Variants in GPRC5A observed in about 807,000 individuals in gnomAD.
The protein encoded by GPRC5A is retinoic acid-induced protein 3.
A neutral mutation model predicts 22.5 loss-of-function variants in GPRC5A; 19 were observed. The ratio of observed to expected loss-of-function variants is 0.85; its 90% CI spans 0.59 to 1.24. GPRC5A has a LOEUF of 1.24. GPRC5A is among the 50% of genes most tolerant of loss of function. The pLI, the probability that GPRC5A is intolerant of heterozygous loss-of-function variation, is 0.00. For synonymous variants in GPRC5A, 192 were observed against 184.5 expected (o/e 1.04, Z -0.33); for missense variants, 471 against 451.1 (o/e 1.04, Z -0.40).
In GPRC5A at chr12:12,898,531, CAAAAGAAAAAAA is replaced by C. The variant is rs564335570; in HGVS notation, c.-8+6879_-8+6890del. Reference sequence around the variant, plus strand: ...CCTGGGCGACAGAGAGACTTTGTCTCAAAAGAAAAAAAAAAAGAAAAAAGAAAGGAAACCATA... The same window carrying C: ...CCTGGGCGACAGAGAGACTTTGTCTCAAAAGAAAAAAGAAAGGAAACCATA... On this transcript the variant is annotated intron_variant, in intron 1 of 3. Transcript: ENST00000014914. Among the ~76,000 whole-genome samples the C allele has an allele frequency of 1.2e-4, 17 of 146,430 alleles. No homozygotes were observed. In the East Asian group the frequency reaches 1.8e-3, roughly 15 times the overall value.
chr12:12,900,911 A>AAAAAAAAAAAG (rs1863879176), intron 1 of GPRC5A, among the ~76,000 whole-genome samples: 1 of 121,772 alleles, frequency 8.2e-6, no homozygotes, highest in African/African-American at 4.0e-5. Context: ...AAAAAAAAAA[A>AAAAAAAAAAAG]AACAAAAAAA....
chr12:12,902,682 G>C (rs911383965), intron 1 of GPRC5A, among the ~76,000 whole-genome samples: 1 of 152,100 alleles, frequency 6.6e-6, no homozygotes, highest in African/African-American at 2.4e-5. Flanking sequence ...GAGGTGGGAA[G>C]ATACCTTGAG....
chr12:12,911,015 C>G, intron 2 of GPRC5A, among the ~76,000 whole-genome samples: 1 of 151,724 alleles, frequency 6.6e-6, no homozygotes, highest in Non-Finnish European at 1.5e-5. Context: ...GGATTACAGA[C>G]GTGCACCATT....
At position 12,908,504 on chromosome 12, in the gene GPRC5A, C is replaced by T. The variant is rs141986396; in HGVS notation, c.255C>T (p.Phe85=). The change falls in exon 2 of 4, where the codon TTC becomes TTT. Residue 85 remains phenylalanine (F), a synonymous_variant. Coordinates refer to ENST00000014914, the MANE Select transcript of GPRC5A (RefSeq NM_003979.4). ...GCATCTTTGGCCTCACCTTCGCCTT[C>T]ATCATCGGACTGGACGGGAGCACAG... The part of the protein sequence containing the change: ...VLGIFGLTFA[F]IIGLDGSTGP... 2.3e-4 allele frequency: 374 copies of T among 1,614,182 alleles called. No individual in the cohort carries two copies. In the African/African-American group the frequency reaches 2.9e-3, roughly 13 times the overall value.
At chr12:12,895,748 C>T (rs553776057) in intron 1 of GPRC5A, among the ~76,000 whole-genome samples, 3 of 143,104 alleles carry the variant, frequency 2.1e-5, no homozygotes, top group East Asian at 4.1e-4. Flanking sequence ...GAGGCTGAGG[C>T]GGGCAGATCA....
rs773420923 is a variant in GPRC5A at position 12,908,433 on chromosome 12, C to G, written c.184C>G (p.Arg62Gly). ...LVCKVQDSNR[R>G]KMLPTQFLFL... ...CTGCAAGGTGCAGGACTCCAACAGG[C>G]GAAAAATGCTGCCTACTCAGTTTCT... The change falls in exon 2 of 4, where the codon CGA (arginine) becomes GGA (glycine). Residue 62 changes from arginine (R) to glycine (G), a missense_variant. Coordinates refer to ENST00000014914, the MANE Select transcript of GPRC5A (RefSeq NM_003979.4). 1.9e-6 allele frequency: 3 copies of G among 1,613,876 alleles called. No individual in the cohort carries two copies. Among genetic ancestry groups the G allele is most frequent in the Non-Finnish European group, 2.5e-6 (3 of 1,179,906 alleles).
At chr12:12,900,208 C>A (rs1055765651) in intron 1 of GPRC5A, among the ~76,000 whole-genome samples, 3 of 152,132 alleles carry the variant, frequency 2.0e-5, no homozygotes, top group East Asian at 1.9e-4. Context: ...TTACCTCTAG[C>A]CCTGGCTTTT....
rs745892070 is a variant in GPRC5A at position 12,899,338 on chromosome 12, C to T, written c.-8+7674C>T. 2.0e-5 allele frequency among the ~76,000 whole-genome samples: 3 copies of T among 152,162 alleles called. 1 individual carries two copies. Among genetic ancestry groups the T allele is most frequent in the Non-Finnish European group, 4.4e-5 (3 of 68,034 alleles). On this transcript the variant is annotated intron_variant, in intron 1 of 3. Coordinates refer to ENST00000014914, the MANE Select transcript of GPRC5A (RefSeq NM_003979.4). ...ACAGGCGTAAGCTACTGCCCCCGGC[C>T]AGGGTTGCTTGTTTTGGAGACTTCT...
rs568766974 is a variant in GPRC5A at position 12,899,781 on chromosome 12, T to C, written c.-8+8117T>C. ...TTCGAGAATAGAGAAAAAATGAAAA[T>C]GCTAGAAAGTCACACATTTTCAGGG... is the stretch of plus-strand genomic sequence containing the variant. On this transcript the variant is annotated intron_variant, in intron 1 of 3. Transcript: ENST00000014914. Among the ~76,000 whole-genome samples the C allele has an allele frequency of 9.9e-5, 15 of 152,226 alleles. No homozygotes were observed. The East Asian group carries it at 2.5e-3, about 25-fold the overall frequency.
In GPRC5A at chr12:12,898,643, C is replaced by G. The variant is rs146685953; in HGVS notation, c.-8+6979C>G. 1.3e-5 allele frequency among the ~76,000 whole-genome samples: 2 copies of G among 152,124 alleles called. 1 individual carries two copies. Among genetic ancestry groups the G allele is most frequent in the Non-Finnish European group, 2.9e-5 (2 of 68,020 alleles). Reference sequence around the variant, plus strand: ...TTCCTGGATAGCTCCACGTGCAGGTCGCATATTTATCAAAGAGCCAACAAA... The same window carrying G: ...TTCCTGGATAGCTCCACGTGCAGGTGGCATATTTATCAAAGAGCCAACAAA... On this transcript the variant is annotated intron_variant, in intron 1 of 3. Transcript: ENST00000014914.
chr12:12,892,976 G>A (rs1056293324), intron 1 of GPRC5A, among the ~76,000 whole-genome samples: 2 of 152,196 alleles, frequency 1.3e-5, no homozygotes, highest in African/African-American at 2.4e-5. Flanking sequence ...GAAGGAATGA[G>A]GGGAAGGAAG....
intron 2 of GPRC5A, chr12:12,909,421 A>C: frequency 2.5e-6 from 1 of 406,864 alleles, no homozygotes; most frequent in Non-Finnish European, 4.3e-6. Flanking sequence ...AGCCCTCCTC[A>C]CTTCCCCTTT....
Position 12,909,157 on chromosome 12 carries a change from A to G in GPRC5A, c.908A>G (p.Glu303Gly). Reference protein sequence around the residue: ...YGVENRAYSQEEITQGFEETG... With the variant: ...YGVENRAYSQGEITQGFEETG... Reference sequence around the variant, plus strand: ...GTGGAGAACAGAGCCTACTCTCAAGAGGAAATCACTCAAGGTACAGATGCA... The same window carrying G: ...GTGGAGAACAGAGCCTACTCTCAAGGGGAAATCACTCAAGGTACAGATGCA... Residue 303 changes from glutamate to glycine, a missense_variant, in exon 2 of 4, where the codon GAG becomes GGG. Coordinates refer to ENST00000014914, the MANE Select transcript of GPRC5A (RefSeq NM_003979.4). 1 of 1,588,382 alleles carries G rather than the reference A, an allele frequency of 6.3e-7. No homozygotes were observed. The highest frequency in any genetic ancestry group is 8.5e-7 in the Non-Finnish European group (1 of 1,172,764).
chr12:12,902,134 A>C (rs1863894674), intron 1 of GPRC5A, among the ~76,000 whole-genome samples: 1 of 152,200 alleles, frequency 6.6e-6, no homozygotes, highest in Non-Finnish European at 1.5e-5. Context: ...TTCTCTGGGC[A>C]ACATGGCACC....
intron 1 of GPRC5A, among the ~76,000 whole-genome samples, chr12:12,903,803 C>T (rs1863913478): frequency 6.6e-6 from 1 of 152,210 alleles, no homozygotes; most frequent in Non-Finnish European, 1.5e-5. Context: ...CCTATAGGTT[C>T]TAGATGGGGG....
intron 1 of GPRC5A, among the ~76,000 whole-genome samples, chr12:12,896,533 A>T (rs1863824565): frequency 6.6e-6 from 1 of 152,186 alleles, no homozygotes. Context: ...CCTGGGTAGA[A>T]ATACGAGGAT....
At chr12:12,892,881 A>G (rs1458026426) in intron 1 of GPRC5A, among the ~76,000 whole-genome samples, 1 of 152,156 alleles carries the variant, frequency 6.6e-6, no homozygotes, top group East Asian at 1.9e-4. Context: ...TACTTCAGAC[A>G]CAATGGGCTA....
chr12:12,895,849 C>A (rs1363652841), intron 1 of GPRC5A, among the ~76,000 whole-genome samples: 4 of 132,434 alleles, frequency 3.0e-5, no homozygotes, highest in Non-Finnish European at 6.3e-5. Flanking sequence ...AAAAATTAGC[C>A]GGGCGTGGTG....
chr12:12,911,528 GC>G (rs1677630064), intron 2 of GPRC5A, among the ~76,000 whole-genome samples: 1 of 148,010 alleles, frequency 6.8e-6, no homozygotes, highest in African/African-American at 2.5e-5. Flanking sequence ...TTGTTCTGTC[GC>G]CCAGGCTGGA....
Sources: gnomAD v4.1 joint callset for allele counts (sites outside exome capture counted in the v4.1 genomes callset) on GRCh38, gnomAD v4.1.1 for gene constraint, MANE v1.5 for transcripts, NCBI Gene and HGNC (gene_info 2026-07-23, HGNC 2026-07-21) for gene names.